ANKH: variants seen among roughly 807,000 people sequenced by gnomAD.
ANKH encodes ANKH inorganic pyrophosphate transport regulator, also known as mineralization regulator ANKH.
A neutral mutation model predicts 49.0 loss-of-function variants in ANKH; 15 were observed. The observed-to-expected ratio is 0.31, with a 90% CI of 0.20 to 0.47. The LOEUF (loss-of-function observed/expected upper bound fraction) is 0.47, where lower values mean the gene tolerates loss of function less well. ANKH is among the 20% of genes least tolerant of loss of function. The pLI is 1.00. For synonymous variants in ANKH, 273 were observed against 260.0 expected (o/e 1.05, Z -0.48); for missense variants, 429 against 652.0 (o/e 0.66, Z 3.72).
chr5:14,813,038 T>G (rs1325034312), intron 1 of ANKH, among the ~76,000 whole-genome samples: 5 of 152,076 alleles, frequency 3.3e-5, no homozygotes, highest in Admixed American at 3.3e-4. Flanking sequence ...GCCAGACATT[T>G]GAGACCAGCC....
chr5:14,823,008 T>C (rs925789980), intron 1 of ANKH, among the ~76,000 whole-genome samples: 5 of 151,256 alleles, frequency 3.3e-5, no homozygotes, highest in Admixed American at 6.6e-5. Context: ...CACTTCAGCC[T>C]GGGCGACAGA....
At chr5:14,774,776 G>A (rs1056459748) in intron 1 of ANKH, among the ~76,000 whole-genome samples, 1 of 152,144 alleles carries the variant, frequency 6.6e-6, no homozygotes, top group Non-Finnish European at 1.5e-5. Flanking sequence ...CCAGGAAGCA[G>A]AGACCTTTGT....
intron 1 of ANKH, among the ~76,000 whole-genome samples, chr5:14,818,456 A>T (rs909943213): frequency 6.6e-5 from 10 of 152,034 alleles, no homozygotes; most frequent in African/African-American, 2.4e-4. Flanking sequence ...AGCCTGGCCA[A>T]CATGGTGAAC....
chr5:14,817,490 T>C (rs1251893582), intron 1 of ANKH, among the ~76,000 whole-genome samples: 1 of 152,182 alleles, frequency 6.6e-6, no homozygotes, highest in Non-Finnish European at 1.5e-5. Context: ...TCATGTTAAA[T>C]GAATCTTCTC....
chr5:14,717,975 T>C (rs1025557399), intron 8 of ANKH, among the ~76,000 whole-genome samples: 48 of 152,302 alleles, frequency 3.2e-4, no homozygotes, highest in African/African-American at 9.1e-4. Flanking sequence ...AAGAGAAGGA[T>C]GACATTTGCA....
chr5:14,710,302 G>T lies in ANKH; in HGVS notation c.*895C>A, dbSNP rs1737117104. ...AAAAACTAAAATGCAAAGTTAGGAT[G>T]CTCCATGTGACTCGCTCTAATGCGA... On this transcript the variant is annotated 3_prime_UTR_variant, in exon 12 of 12. Transcript: ENST00000284268. The T allele has an allele frequency of 6.6e-6, 1 of 152,242 alleles. No individual in the cohort carries two copies. Among genetic ancestry groups the T allele is most frequent in the South Asian group, 2.1e-4 (1 of 4,834 alleles). The allele number at this position is 152,242 out of a possible 1,614,324, so 9.4% of individuals were successfully genotyped here.
intron 2 of ANKH, among the ~76,000 whole-genome samples, chr5:14,766,185 A>T (rs762953317): frequency 4.6e-5 from 7 of 152,032 alleles, no homozygotes; most frequent in Admixed American, 1.3e-4. Flanking sequence ...TGAACTCAGG[A>T]ATTCAAGACC....
intron 1 of ANKH, among the ~76,000 whole-genome samples, chr5:14,776,679 A>G (rs1309129824): frequency 6.6e-6 from 1 of 152,210 alleles, no homozygotes; most frequent in Admixed American, 6.5e-5. Flanking sequence ...AGGAATAGCT[A>G]TGGTCATGAA....
rs1198320288 is a variant in ANKH, at chr5:14,828,593, T to C, written c.96+42759A>G. Among the ~76,000 whole-genome samples, 12 of 152,124 alleles carry C rather than the reference T, an allele frequency of 7.9e-5. 1 individual carries two copies. The South Asian group carries it at 1.9e-3, about 24-fold the overall frequency. On this transcript the variant is annotated intron_variant, in intron 1 of 11. Coordinates refer to ENST00000284268, the MANE Select transcript of ANKH (RefSeq NM_054027.6). ...TTCTTTTCTTTTCTTTCTTCTTCTT[T>C]TTTTTAATACCATAATGCAGTTCTT...
intron 2 of ANKH, among the ~76,000 whole-genome samples, chr5:14,767,983 C>G (rs6885132): frequency 0.15 from 22,441 of 152,152 alleles, 2,065 homozygotes; most frequent in East Asian, 0.42. Flanking sequence ...TCAATATCAA[C>G]GCTTTGGCTG....
chr5:14,847,539 T>C (rs1258970019), intron 1 of ANKH, among the ~76,000 whole-genome samples: 1 of 152,234 alleles, frequency 6.6e-6, no homozygotes, highest in Non-Finnish European at 1.5e-5. Flanking sequence ...AGGATTCCTG[T>C]GAGCCTGGTC....
At chr5:14,854,480 G>C (rs913715288) in intron 1 of ANKH, among the ~76,000 whole-genome samples, 1 of 152,076 alleles carries the variant, frequency 6.6e-6, no homozygotes, top group Non-Finnish European at 1.5e-5. Flanking sequence ...AAGAGTTTGA[G>C]ACTAGCCTGG....
intron 8 of ANKH, among the ~76,000 whole-genome samples, chr5:14,739,521 T>C (rs1738289058): frequency 1.3e-5 from 2 of 152,248 alleles, no homozygotes; most frequent in Admixed American, 6.5e-5. Context: ...TGAATCATCA[T>C]AAGGATGGTG....
At chr5:14,833,739 G>T (rs956496346) in intron 1 of ANKH, among the ~76,000 whole-genome samples, 1 of 152,182 alleles carries the variant, frequency 6.6e-6, no homozygotes, top group Non-Finnish European at 1.5e-5. Context: ...GCCCTGCCTT[G>T]CTTATAGTAT....
intron 2 of ANKH, among the ~76,000 whole-genome samples, chr5:14,766,045 G>A (rs753848755): frequency 5.5e-4 from 83 of 152,198 alleles, no homozygotes; most frequent in Non-Finnish European, 1.1e-3. Flanking sequence ...TCATTATAGC[G>A]CACAGGGCAA....
At chr5:14,785,016 C>T (rs543322472) in intron 1 of ANKH, among the ~76,000 whole-genome samples, 6 of 152,272 alleles carry the variant, frequency 3.9e-5, no homozygotes, top group Admixed American at 2.6e-4. Context: ...TTCAATCTGC[C>T]GCGTGCGGTG....
At chr5:14,814,926 A>T (rs1198367350) in intron 1 of ANKH, among the ~76,000 whole-genome samples, 1 of 152,208 alleles carries the variant, frequency 6.6e-6, no homozygotes, top group African/African-American at 2.4e-5. Flanking sequence ...ATATTTTACT[A>T]AACAAGGCCC....
rs1736933082 is a variant in ANKH, at chr5:14,705,954, T to C, written c.*5243A>G. On this transcript the variant is annotated 3_prime_UTR_variant, in exon 12 of 12. Transcript: ENST00000284268. ...CCCCAACTCCAGAGGCGCCATTTCTTGCCCTGGCTTATAGCTAGGGAACAT... is the reference window on the plus strand; with the variant it reads ...CCCCAACTCCAGAGGCGCCATTTCTCGCCCTGGCTTATAGCTAGGGAACAT... The C allele has an allele frequency of 6.6e-6, 1 of 152,186 alleles. No individual in the cohort carries two copies. The highest frequency in any genetic ancestry group is 3.2e-3 in the Middle Eastern group (1 of 316). The allele number at this position is 152,186 out of a possible 1,614,324, so 9.4% of individuals were successfully genotyped here. A position where few individuals can be genotyped will look rare whatever the true frequency, so the allele number is the denominator to read the frequency against.
chr5:14,832,537 T>C (rs750167996), intron 1 of ANKH, among the ~76,000 whole-genome samples: 4 of 152,220 alleles, frequency 2.6e-5, no homozygotes, highest in Non-Finnish European at 5.9e-5. Context: ...AACGGAGTTA[T>C]AGAACCATTC....
Sources: gnomAD v4.1 joint callset for allele counts (sites outside exome capture counted in the v4.1 genomes callset) on GRCh38, gnomAD v4.1.1 for gene constraint, MANE v1.5 for transcripts, NCBI Gene and HGNC (gene_info 2026-07-23, HGNC 2026-07-21) for gene names.